Variants in HLA-DPB1 observed in about 807,000 individuals in gnomAD.
The protein encoded by HLA-DPB1 is HLA class II histocompatibility antigen, DP beta 1 chain.
A neutral mutation model predicts 29.4 loss-of-function variants in HLA-DPB1; 30 were observed. The ratio of observed to expected loss-of-function variants is 1.02; its 90% CI spans 0.76 to 1.38. The LOEUF is 1.38. Among genes scored for constraint, HLA-DPB1 ranks in the 40% most tolerant of loss-of-function variants. The probability of loss-of-function intolerance (pLI) is 0.00; values close to 1 mark genes in which losing one functional copy is unlikely to be tolerated. For missense variants in HLA-DPB1, 261 were observed against 327.5 expected (o/e 0.80, Z 1.57); for synonymous variants, 114 against 134.0 (o/e 0.85, Z 1.03).
chr6:33,081,090 C>T (rs746811290), intron 2 of HLA-DPB1, 155 bp downstream of exon 2: 3 of 888,942 alleles, frequency 3.4e-6, no homozygotes, highest in Non-Finnish European at 5.0e-6. Context: ...TGGAGCTTGT[C>T]AGGGGAGCGA....
intron 5 of HLA-DPB1, 101 bp downstream of exon 5, chr6:33,086,343 A>C: frequency 3.2e-6 from 3 of 945,594 alleles, no homozygotes; most frequent in Non-Finnish European, 5.2e-6. Context: ...AGGGAATCTC[A>C]GGCATGAACC....
chr6:33,086,268 G>C (rs1583130804), intron 5 of HLA-DPB1, 26 bp downstream of exon 5: 1 of 1,546,938 alleles, frequency 6.5e-7, no homozygotes, highest in East Asian at 2.3e-5. Context: ...TGATTTCCTT[G>C]TGGGGTGGGT....
Position 33,088,989 on chromosome 6 carries a change from A to G in HLA-DPB1, c.*2455A>G, listed in dbSNP as rs3117227. Among the ~76,000 whole-genome samples, 107,426 of 151,576 alleles carry G rather than the reference A, an allele frequency of 0.71. 39,517 individuals are homozygous for G. The highest frequency in any genetic ancestry group is 0.93 in the East Asian group (4,767 of 5,126). ...GAAGGTGGTCCACCCAACAGACAAC[A>G]CTGCCTCAGATGGTTATCAAGGGGT... is the stretch of plus-strand genomic sequence containing the variant. On this transcript the variant is annotated 3_prime_UTR_variant, in exon 6 of 6. Coordinates refer to ENST00000418931, the MANE Select transcript of HLA-DPB1 (RefSeq NM_002121.6).
Position 33,080,908 on chromosome 6 carries a change from G to GGAA in HLA-DPB1, c.338_339insAAG (p.Gly113_Gly114insSer). The GGAA allele has an allele frequency of 6.2e-7, 1 of 1,605,596 alleles. No homozygotes were observed. The highest frequency in any genetic ancestry group is 2.2e-5 in the East Asian group (1 of 44,822). Reference sequence around the variant, plus strand: ...GATGTGCAGACACAACTACGAGCTGGGCGGGCCCATGACCCTGCAGCGCCG... The same window carrying GGAA: ...GATGTGCAGACACAACTACGAGCTGGGAAGCGGGCCCATGACCCTGCAGCGCCG... On this transcript the variant is annotated inframe_insertion, in exon 2 of 6. Coordinates refer to ENST00000418931, the MANE Select transcript of HLA-DPB1 (RefSeq NM_002121.6). The surrounding 1 kb of genome is among the most constrained non-coding windows in gnomAD (Gnocchi z 4.3).
At chr6:33,085,319 T>C (rs1763050882) in intron 3 of HLA-DPB1, 88 bp downstream of exon 3, 1 of 1,186,246 alleles carries the variant, frequency 8.4e-7, no homozygotes, top group African/African-American at 1.6e-5. Context: ...CTTCTGCATC[T>C]ATACCCTGGG....
At position 33,089,158 on chromosome 6, in the gene HLA-DPB1, A is replaced by T. The variant is rs1477152546; in HGVS notation, c.*2624A>T. 6.6e-6 allele frequency among the ~76,000 whole-genome samples: 1 copy of T among 152,172 alleles called. No individual in the cohort carries two copies. Among genetic ancestry groups the T allele is most frequent in the Non-Finnish European group, 1.5e-5 (1 of 68,038 alleles). ...GCTCTTGAAAGGGGTTTTAATAACC[A>T]CTTGCTACCAGGCCAGTGAACACTT... On this transcript the variant is annotated 3_prime_UTR_variant, in exon 6 of 6. Transcript: ENST00000418931.
chr6:33,086,095 C>T, intron 4 of HLA-DPB1, 124 bp from the exon 5 acceptor site: 1 of 946,400 alleles, frequency 1.1e-6, no homozygotes, highest in Non-Finnish European at 1.7e-6. Flanking sequence ...GTCCCAAGTA[C>T]TCAGGCTCCT....
intron 2 of HLA-DPB1, 133 bp downstream of exon 2, chr6:33,081,068 G>T: frequency 6.6e-6 from 7 of 1,065,650 alleles, no homozygotes; most frequent in African/African-American, 3.3e-5. Flanking sequence ...GGATTCATGG[G>T]GGGAGCCCAT....
chr6:33,080,496 TG>T lies in HLA-DPB1; in HGVS notation c.101-174del. The stretch of plus-strand genomic sequence containing the variant: ...TCTCTGCGTGGTGAGAAAACAGGCC[TG>T]GAGAGGCTCTGCGACCCGCTTAGGA... On this transcript the variant is annotated intron_variant, in intron 1 of 5. Coordinates refer to ENST00000418931, the MANE Select transcript of HLA-DPB1 (RefSeq NM_002121.6). This position sits in a 1 kb window ranked among gnomAD's most constrained non-coding sequence, Gnocchi z 4.3. 1.2e-6 allele frequency: 1 copy of T among 863,926 alleles called. No homozygotes were observed. Among genetic ancestry groups the T allele is most frequent in the Non-Finnish European group, 1.9e-6 (1 of 521,374 alleles). The allele number at this position is 863,926 out of a possible 1,614,324, so 53.5% of individuals were successfully genotyped here.
Position 33,086,763 on chromosome 6 carries a change from A to T in HLA-DPB1, c.*229A>T. 1 of 360,592 alleles carries T rather than the reference A, an allele frequency of 2.8e-6. No homozygotes were observed. Among genetic ancestry groups the T allele is most frequent in the Non-Finnish European group, 5.6e-6 (1 of 178,492 alleles). 22.3% of individuals were successfully genotyped at this position (360,592 alleles called of 1,614,324 possible). ...TCTTCTTAGCACCACAAATAATCAA[A>T]ACCCAACATGACTGTTTGTTTTCCT... is the stretch of plus-strand genomic sequence containing the variant. On this transcript the variant is annotated 3_prime_UTR_variant, in exon 6 of 6. Coordinates refer to ENST00000418931, the MANE Select transcript of HLA-DPB1 (RefSeq NM_002121.6).
intron 3 of HLA-DPB1, 42 bp downstream of exon 3, chr6:33,085,273 A>T: frequency 6.6e-7 from 1 of 1,504,794 alleles, no homozygotes; most frequent in Non-Finnish European, 9.1e-7. Flanking sequence ...TCTGAAGAGC[A>T]GGGGACTCTC....
Position 33,086,876 on chromosome 6 carries a change from T to A in HLA-DPB1, c.*342T>A. On this transcript the variant is annotated 3_prime_UTR_variant, in exon 6 of 6. Coordinates refer to ENST00000418931, the MANE Select transcript of HLA-DPB1 (RefSeq NM_002121.6). ...AGTTAATAAAGAAGTTCATTTTGGT[T>A]TAAACATAGGAAAGAAGAGAACCAT... The A allele has an allele frequency of 3.5e-6, 1 of 289,850 alleles. No individual in the cohort carries two copies. Among genetic ancestry groups the A allele is most frequent in the Non-Finnish European group, 6.7e-6 (1 of 148,474 alleles). 18.0% of individuals were successfully genotyped at this position (289,850 alleles called of 1,614,324 possible).
intron 2 of HLA-DPB1, 100 bp from the exon 3 acceptor site, chr6:33,084,850 A>C: frequency 8.0e-6 from 2 of 249,184 alleles, no homozygotes; most frequent in Admixed American, 1.4e-4. Flanking sequence ...TCTCAAAAAA[A>C]AGGAAGGAAG....
intron 1 of HLA-DPB1, among the ~76,000 whole-genome samples, chr6:33,076,593 G>C (rs574440755): frequency 1.4e-4 from 22 of 152,318 alleles, no homozygotes; most frequent in African/African-American, 4.8e-4. Flanking sequence ...ATTCCCCAGG[G>C]TGGAGCAGGA....
chr6:33,086,443 T>C (rs1439350066), intron 5 of HLA-DPB1, 96 bp from the exon 6 acceptor site: 2 of 709,878 alleles, frequency 2.8e-6, no homozygotes, highest in Non-Finnish European at 5.2e-6. Flanking sequence ...CTGTTATTTA[T>C]CAGCCTGAGA....
In HLA-DPB1 at chr6:33,089,551, C is replaced by G. The variant is rs1316513604; in HGVS notation, c.*3017C>G. ...TTTATTCACTGGCTTTTAATGATCC[C>G]TCCTAGAAAGAACACACTTCTCGCA... On this transcript the variant is annotated 3_prime_UTR_variant, in exon 6 of 6. Coordinates refer to ENST00000418931, the MANE Select transcript of HLA-DPB1 (RefSeq NM_002121.6). 2.6e-5 allele frequency among the ~76,000 whole-genome samples: 4 copies of G among 152,174 alleles called. No homozygotes were observed. Among genetic ancestry groups the G allele is most frequent in the African/African-American group, 9.7e-5 (4 of 41,446 alleles).
rs532380359 is a variant in HLA-DPB1 at position 33,089,016 on chromosome 6, C to T, written c.*2482C>T. 1.1e-4 allele frequency among the ~76,000 whole-genome samples: 17 copies of T among 152,146 alleles called. No homozygotes were observed. In the South Asian group the frequency reaches 3.5e-3, roughly 32 times the overall value. On this transcript the variant is annotated 3_prime_UTR_variant, in exon 6 of 6. Transcript: ENST00000418931. ...TGCCTCAGATGGTTATCAAGGGGTA[C>T]CCTAAGAAGAAATCATCTCACCCTC...
At chr6:33,081,722 CCT>C (rs1176247815) in intron 2 of HLA-DPB1, among the ~76,000 whole-genome samples, 1 of 152,106 alleles carries the variant, frequency 6.6e-6, no homozygotes, top group Non-Finnish European at 1.5e-5. Flanking sequence ...TGTGGCGCAT[CCT>C]CCTCGGGGCT....
Position 33,080,851 on chromosome 6 carries a change from A to C in HLA-DPB1, c.280A>C (p.Ile94Leu), listed in dbSNP as rs1042136. 0.16 allele frequency: 246,988 copies of C among 1,572,662 alleles called. 19,075 individuals are homozygous for C. Among genetic ancestry groups the C allele is most frequent in the Non-Finnish European group, 0.17 (194,446 of 1,150,768 alleles). Residue 94 changes from isoleucine (I) to leucine (L), a missense_variant, in exon 2 of 6, where the codon ATC (isoleucine) becomes CTC (leucine). By Grantham distance (5) the Ile-to-Leu change is conservative. Transcript: ENST00000418931. This position sits in a 1 kb window ranked among gnomAD's most constrained non-coding sequence, Gnocchi z 4.3. ...GGAGTACTGGAACAGCCAGAAGGAC[A>C]TCCTGGAGGAGAAGCGGGCAGTGCC... ...AAEYWNSQKD[I>L]LEEKRAVPDR...
Sources: gnomAD v4.1 joint callset for allele counts (sites outside exome capture counted in the v4.1 genomes callset) on GRCh38, gnomAD v4.1.1 for gene constraint, Gnocchi (gnomAD v3.1) non-coding constraint, MANE v1.5 for transcripts, NCBI Gene and HGNC (gene_info 2026-07-23, HGNC 2026-07-21) for gene names.